Variants in BCAR3 observed in about 807,000 individuals in gnomAD.
The protein encoded by BCAR3 is BCAR3 adaptor protein, NSP family member.
A neutral mutation model predicts 80.1 loss-of-function variants in BCAR3; 37 were observed. The ratio of observed to expected loss-of-function variants is 0.46; its 90% confidence interval spans 0.36 to 0.61. The LOEUF is 0.61. Among genes scored for constraint, BCAR3 ranks in the 20% least tolerant of loss-of-function variants. The pLI is 0.00. For missense variants in BCAR3, 978 were observed against 1,068.2 expected (o/e 0.92, Z 1.18); for synonymous variants, 389 against 418.9 (o/e 0.93, Z 0.87).
rs143053549 is a variant in BCAR3, at chr1:93,561,923, A to T, written c.*318T>A. 4.2e-4 allele frequency: 87 copies of T among 205,476 alleles called. No homozygotes were observed. In the East Asian group the frequency reaches 5.5e-3, roughly 13 times the overall value. 12.7% of individuals were successfully genotyped at this position (205,476 alleles called of 1,614,324 possible). A position where few individuals can be genotyped will look rare whatever the true frequency, so the allele number is the denominator to read the frequency against. The stretch of plus-strand genomic sequence containing the variant: ...TTCTATTTACACTTATCTGACATGG[A>T]ATTAAAACTAAAATGGTCAAATACC... On this transcript the variant is annotated 3_prime_UTR_variant, in exon 12 of 12. Coordinates refer to ENST00000260502, the MANE Select transcript of BCAR3 (RefSeq NM_003567.4).
chr1:93,637,563 G>A (rs1675832494), intron 3 of BCAR3, among the ~76,000 whole-genome samples: 1 of 152,142 alleles, frequency 6.6e-6, no homozygotes, highest in Non-Finnish European at 1.5e-5. Flanking sequence ...GAGTGGAAGT[G>A]AGCCTAGGCT....
chr1:93,602,939 T>C (rs1674669207), intron 3 of BCAR3, among the ~76,000 whole-genome samples: 2 of 152,224 alleles, frequency 1.3e-5, no homozygotes, highest in African/African-American at 2.4e-5. Context: ...AATTAGTAGA[T>C]TGGTTCTGTT....
Position 93,681,635 on chromosome 1 carries a change from C to G in BCAR3, c.-49G>C, listed in dbSNP as rs563756826. On this transcript the variant is annotated 5_prime_UTR_variant, in exon 1 of 12. Transcript: ENST00000260502. ...CGCTGGGCGCTCGGGCTCTCAGGAT[C>G]TCTGGACCTCCGGCTGGGGCTCAAA... 1 of 152,094 alleles carries G rather than the reference C, an allele frequency of 6.6e-6. No individual in the cohort carries two copies. The highest frequency in any genetic ancestry group is 2.0e-4 in the East Asian group (1 of 5,124). 9.4% of individuals were successfully genotyped at this position (152,094 alleles called of 1,614,324 possible).
intron 2 of BCAR3, among the ~76,000 whole-genome samples, chr1:93,655,549 C>T (rs1236252914): frequency 6.6e-6 from 1 of 152,226 alleles, no homozygotes; most frequent in African/African-American, 2.4e-5. Context: ...ATGGCAGGCA[C>T]TCAATCCATT....
intron 2 of BCAR3, among the ~76,000 whole-genome samples, chr1:93,670,837 TAATTAATAATGGAGG>T (rs1327842453): frequency 6.6e-6 from 1 of 152,186 alleles, no homozygotes; most frequent in African/African-American, 2.4e-5. Context: ...ATTATTGGGA[TAATTAATAATGGAGG>T]AATTAATAAT....
chr1:93,784,199 G>GAAA (rs386367700), intron 2 of BCAR3, among the ~76,000 whole-genome samples: 1 of 86,824 alleles, frequency 1.2e-5, no homozygotes, highest in African/African-American at 3.6e-5. Flanking sequence ...GATCTGTAAA[G>GAAA]AAAAAAAAAA....
chr1:93,749,600 A>G (rs1029182998), intron 2 of BCAR3, among the ~76,000 whole-genome samples: 17 of 151,900 alleles, frequency 1.1e-4, no homozygotes, highest in East Asian at 7.7e-4. Flanking sequence ...AAAAAAAAAA[A>G]AAAAGAAAAG....
At chr1:93,816,268 G>A (rs1190928787) in intron 2 of BCAR3, among the ~76,000 whole-genome samples, 2 of 152,154 alleles carry the variant, frequency 1.3e-5, no homozygotes, top group African/African-American at 2.4e-5. Context: ...ATTGACAGGA[G>A]AATAGAGTTT....
exon 2 of BCAR3, chr1:93,845,595 T>C (rs561176413): frequency 6.6e-6 from 1 of 151,402 alleles, no homozygotes; most frequent in Non-Finnish European, 1.5e-5. Context: ...ACAATTCGCA[T>C]CCTTGCACGT....
intron 2 of BCAR3, among the ~76,000 whole-genome samples, chr1:93,805,874 TGTCA>T: frequency 6.6e-6 from 1 of 151,816 alleles, no homozygotes; most frequent in East Asian, 1.9e-4. Context: ...AAGAAAAATA[TGTCA>T]CAGTGGCAAA....
At chr1:93,846,555 G>C (rs1169530562) in intron 1 of BCAR3, among the ~76,000 whole-genome samples, 2 of 152,142 alleles carry the variant, frequency 1.3e-5, no homozygotes, top group Non-Finnish European at 1.5e-5. Context: ...TCTCAGATTC[G>C]TGGCGACCGC....
intron 3 of BCAR3, among the ~76,000 whole-genome samples, chr1:93,701,488 A>G (rs1237705033): frequency 6.6e-6 from 1 of 152,230 alleles, no homozygotes; most frequent in East Asian, 1.9e-4. Context: ...CTGGCAGGGG[A>G]CATCTCTTCA....
chr1:93,847,725 T>G (rs1156882388), upstream of BCAR3: 9 of 147,804 alleles, frequency 6.1e-5, no homozygotes, highest in African/African-American at 2.3e-4. Context: ...TTTTTTTTTT[T>G]GCTAAACGGT....
At chr1:93,822,581 TGCCC>T (rs1317017661) in intron 2 of BCAR3, among the ~76,000 whole-genome samples, 2 of 152,074 alleles carry the variant, frequency 1.3e-5, no homozygotes, top group Admixed American at 6.6e-5. Context: ...CAAAGTAATC[TGCCC>T]GCCTCGGCCT....
At chr1:93,623,081 T>C (rs1384681665) in intron 3 of BCAR3, among the ~76,000 whole-genome samples, 1 of 152,050 alleles carries the variant, frequency 6.6e-6, no homozygotes, top group Non-Finnish European at 1.5e-5. Context: ...GCCCATAACT[T>C]CTCTGTAACA....
In BCAR3 at chr1:93,814,806, C is replaced by A. The variant is rs113449671; in HGVS notation, c.-63+30761G>T. Reference sequence around the variant, plus strand: ...AGGCGCATACATCCCTTGACTCCCACAAACCAGGCATCAAACAGGTTTAAT... The same window carrying A: ...AGGCGCATACATCCCTTGACTCCCAAAAACCAGGCATCAAACAGGTTTAAT... On this transcript the variant is annotated intron_variant, in intron 2 of 13. Coordinates refer to the BCAR3 transcript ENST00000370244. Among the ~76,000 whole-genome samples the A allele has an allele frequency of 5.1e-3, 783 of 152,362 alleles. 3 individuals carry two copies. Among genetic ancestry groups the A allele is most frequent in the Non-Finnish European group, 8.6e-3 (586 of 68,040 alleles).
chr1:93,823,406 G>A (rs555503454), intron 2 of BCAR3, among the ~76,000 whole-genome samples: 33 of 134,170 alleles, frequency 2.5e-4, no homozygotes, highest in African/African-American at 7.8e-4. Flanking sequence ...GCTGGTGGAA[G>A]GAATACAGTT....
chr1:93,679,994 T>C (rs1483707914), intron 1 of BCAR3, among the ~76,000 whole-genome samples: 3 of 152,246 alleles, frequency 2.0e-5, no homozygotes, highest in Non-Finnish European at 4.4e-5. Flanking sequence ...TGTAGTTTTA[T>C]AACTTCTCTG....
intron 2 of BCAR3, chr1:93,648,622 T>A (rs768404662): frequency 1.3e-5 from 2 of 152,216 alleles, no homozygotes; most frequent in African/African-American, 2.4e-5. Context: ...AGTCAGTGCT[T>A]GCTTATATTT....
Sources: gnomAD v4.1 joint callset for allele counts (sites outside exome capture counted in the v4.1 genomes callset) on GRCh38, gnomAD v4.1.1 for gene constraint, MANE v1.5 for transcripts, NCBI Gene and HGNC (gene_info 2026-07-23, HGNC 2026-07-21) for gene names.